The following WDSUB1 variants were observed in gnomAD, a reference collection of about 807,000 sequenced individuals.
The protein encoded by WDSUB1 is WD repeat, sterile alpha motif and U-box domain containing 1.
A neutral mutation model predicts 53.9 loss-of-function variants in WDSUB1; 49 were observed. That is an observed-to-expected ratio of 0.91 (90% CI 0.72 to 1.15). WDSUB1 has a LOEUF of 1.15. Ranked by LOEUF, WDSUB1 falls within the 50% of genes most tolerant of loss-of-function variation. The probability of loss-of-function intolerance (pLI) is 0.00; values close to 1 mark genes in which losing one functional copy is unlikely to be tolerated. For synonymous variants in WDSUB1, 194 were observed against 200.6 expected, an observed-to-expected ratio of 0.97 and a Z score of 0.28; for missense variants, 514 against 562.0, an observed-to-expected ratio of 0.91 and a Z score of 0.86.
intron 10 of WDSUB1, among the ~76,000 whole-genome samples, chr2:159,248,105 AATAGT>A (rs2060859620): frequency 6.6e-6 from 1 of 151,058 alleles, no homozygotes; most frequent in Non-Finnish European, 1.5e-5. Flanking sequence ...GTCTTTAAAA[AATAGT>A]ATTTTATCTT....
At chr2:159,241,644 A>G (rs1034129221) in intron 10 of WDSUB1, among the ~76,000 whole-genome samples, 2 of 147,956 alleles carry the variant, frequency 1.4e-5, no homozygotes, top group Non-Finnish European at 2.9e-5. Flanking sequence ...CTAAAAAGGT[A>G]CAGCAGTGCC....
intron 8 of WDSUB1, among the ~76,000 whole-genome samples, chr2:159,256,841 C>T (rs754678382): frequency 5.3e-5 from 8 of 152,172 alleles, no homozygotes; most frequent in East Asian, 1.9e-4. Context: ...ACGATAATTT[C>T]GATTTTGTCC....
intron 5 of WDSUB1, among the ~76,000 whole-genome samples, chr2:159,262,422 A>G (rs1220388178): frequency 1.3e-5 from 2 of 151,826 alleles, no homozygotes; most frequent in African/African-American, 2.4e-5. Context: ...CCATGAGGGC[A>G]GTGGAATAAG....
At chr2:159,259,204 T>C (rs1044217648) in intron 6 of WDSUB1, among the ~76,000 whole-genome samples, 20 of 152,222 alleles carry the variant, frequency 1.3e-4, no homozygotes, top group African/African-American at 4.6e-4. Context: ...TTTGTATTTT[T>C]GGTAGAGATG....
In WDSUB1 at chr2:159,282,930, T is replaced by C. The variant is rs775765676; in HGVS notation, c.140A>G (p.His47Arg). The C allele has an allele frequency of 3.1e-6, 5 of 1,614,086 alleles. No individual in the cohort carries two copies. In the African/African-American group the frequency reaches 4.0e-5, roughly 13 times the overall value. ...YSLRDFTELP[H>R]SPLKFHTYAV... is the part of the protein sequence containing the mutation. Reference sequence around the variant, plus strand: ...ATAGGTATGAAACTTCAATGGAGAATGTGGCAGTTCAGTAAAGTCACGTAA... The same window carrying C: ...ATAGGTATGAAACTTCAATGGAGAACGTGGCAGTTCAGTAAAGTCACGTAA... The change falls in exon 2 of 11, where the codon CAT becomes CGT. Residue 47 changes from histidine (H) to arginine (R), a missense_variant. Coordinates refer to ENST00000359774, the MANE Select transcript of WDSUB1 (RefSeq NM_001128212.3).
At chr2:159,238,616 TA>T (rs2060552254) in intron 10 of WDSUB1, among the ~76,000 whole-genome samples, 1 of 152,266 alleles carries the variant, frequency 6.6e-6, no homozygotes, top group African/African-American at 2.4e-5. Flanking sequence ...TATCAATCAC[TA>T]AATTTCCAAA....
At chr2:159,284,869 G>A (rs768542592) in intron 1 of WDSUB1, among the ~76,000 whole-genome samples, 4 of 152,064 alleles carry the variant, frequency 2.6e-5, no homozygotes, top group Non-Finnish European at 2.9e-5. Context: ...ACAGTCTTCC[G>A]TCTCCATAAA....
At chr2:159,254,311 G>A (rs1439740690) in intron 9 of WDSUB1, among the ~76,000 whole-genome samples, 1 of 152,136 alleles carries the variant, frequency 6.6e-6, no homozygotes, top group African/African-American at 2.4e-5. Context: ...TGTAATCCTA[G>A]CACATTGGGA....
At chr2:159,252,330 A>G (rs529820600) in intron 9 of WDSUB1, among the ~76,000 whole-genome samples, 1 of 152,314 alleles carries the variant, frequency 6.6e-6, no homozygotes, top group Admixed American at 6.5e-5. Flanking sequence ...CTCAAATTGC[A>G]TGGACATTTC....
At chr2:159,264,997 G>A (rs1445463666) in intron 5 of WDSUB1, among the ~76,000 whole-genome samples, 1 of 150,982 alleles carries the variant, frequency 6.6e-6, no homozygotes, top group Non-Finnish European at 1.5e-5. Flanking sequence ...CGCAGGAGAA[G>A]CACTTGAACC....
intron 4 of WDSUB1, among the ~76,000 whole-genome samples, chr2:159,272,469 G>C (rs1347870478): frequency 6.6e-6 from 1 of 152,166 alleles, no homozygotes; most frequent in Non-Finnish European, 1.5e-5. Flanking sequence ...AATTATGCTG[G>C]CAAGCAGAAA....
At chr2:159,276,464 A>T (rs2151141223) in intron 3 of WDSUB1, among the ~76,000 whole-genome samples, 1 of 152,370 alleles carries the variant, frequency 6.6e-6, no homozygotes, top group East Asian at 1.9e-4. Flanking sequence ...GAATTATAGA[A>T]ATCAAAAATA....
chr2:159,276,013 T>C (rs979177387), intron 3 of WDSUB1, among the ~76,000 whole-genome samples: 1 of 152,000 alleles, frequency 6.6e-6, no homozygotes, highest in Non-Finnish European at 1.5e-5. Context: ...TTGAGAGTGT[T>C]AAATGTTTAA....
At chr2:159,247,313 G>A (rs1234601041) in intron 10 of WDSUB1, among the ~76,000 whole-genome samples, 2 of 152,114 alleles carry the variant, frequency 1.3e-5, no homozygotes, top group Non-Finnish European at 2.9e-5. Context: ...CATATACAAA[G>A]TAAGTCCATC....
chr2:159,281,427 C>T (rs1428696988), intron 2 of WDSUB1, among the ~76,000 whole-genome samples: 2 of 152,018 alleles, frequency 1.3e-5, no homozygotes, highest in South Asian at 2.1e-4. Flanking sequence ...ACTTCTGTTA[C>T]GTATATTTTG....
rs974631945 is a variant in WDSUB1 at position 159,242,353 on chromosome 2, G to A, written c.1273+6019C>T. Among the ~76,000 whole-genome samples, 7 of 143,476 alleles carry A rather than the reference G, an allele frequency of 4.9e-5. 1 individual carries two copies. The highest frequency in any genetic ancestry group is 5.0e-4 in the East Asian group (2 of 4,000). The allele number at this position is 143,476 out of a possible 152,430, so 94.1% of individuals were successfully genotyped here. A position where few individuals can be genotyped will look rare whatever the true frequency, so the allele number is the denominator to read the frequency against. ...ATTACAGGCGTGAGCCACCACACCCGGCCAAAAGCAACTTTTTAAAAATAT... is the reference window on the plus strand; with the variant it reads ...ATTACAGGCGTGAGCCACCACACCCAGCCAAAAGCAACTTTTTAAAAATAT... On this transcript the variant is annotated intron_variant, in intron 10 of 10. Transcript: ENST00000359774.
At chr2:159,270,529 C>T (rs894944357) in intron 5 of WDSUB1, among the ~76,000 whole-genome samples, 2 of 152,136 alleles carry the variant, frequency 1.3e-5, no homozygotes, top group African/African-American at 2.4e-5. Flanking sequence ...AAGAAACAGA[C>T]TCACAAATAT....
intron 5 of WDSUB1, among the ~76,000 whole-genome samples, chr2:159,267,124 C>T (rs2061361422): frequency 6.6e-6 from 1 of 151,964 alleles, no homozygotes; most frequent in South Asian, 2.1e-4. Context: ...CCTCATTTCT[C>T]CTTATTTATT....
intron 9 of WDSUB1, among the ~76,000 whole-genome samples, chr2:159,251,520 T>C (rs1465930641): frequency 1.3e-5 from 2 of 152,022 alleles, no homozygotes; most frequent in Non-Finnish European, 2.9e-5. Flanking sequence ...CTAAACCACA[T>C]CCCCAGAGCT....
Sources: allele counts gnomAD v4.1 joint callset (sites outside exome capture counted in the v4.1 genomes callset), GRCh38; gene constraint gnomAD v4.1.1; transcripts MANE v1.5; gene names NCBI Gene and HGNC (gene_info 2026-07-23, HGNC 2026-07-21).